FHIT: variants seen among roughly 807,000 people sequenced by gnomAD.
FHIT encodes bis(5'-adenosyl)-triphosphatase.
In FHIT, 19 loss-of-function variants were observed where a neutral mutation model predicts 17.9. The ratio of observed to expected loss-of-function variants is 1.06; its 90% CI spans 0.74 to 1.56. FHIT has a LOEUF of 1.56. Among genes scored for constraint, FHIT ranks in the 40% most tolerant of loss-of-function variants. The pLI is 0.00. For missense variants in FHIT, 248 were observed against 189.2 expected (o/e 1.31, Z -1.82); for synonymous variants, 81 against 69.7 (o/e 1.16, Z -0.81).
intron 5 of FHIT, among the ~76,000 whole-genome samples, chr3:60,470,090 C>T (rs949888183): frequency 3.3e-5 from 5 of 151,710 alleles, no homozygotes; most frequent in African/African-American, 1.2e-4. Flanking sequence ...CCAGAGCTGC[C>T]TGAAGCTGTG....
At chr3:59,942,957 C>A (rs750486667) in intron 7 of FHIT, among the ~76,000 whole-genome samples, 2 of 152,044 alleles carry the variant, frequency 1.3e-5, no homozygotes, top group Non-Finnish European at 2.9e-5. Flanking sequence ...CTTCCTAGTT[C>A]TCTATAGGAG....
chr3:60,769,088 A>G (rs751242751), intron 4 of FHIT, among the ~76,000 whole-genome samples: 2 of 152,116 alleles, frequency 1.3e-5, no homozygotes, highest in Non-Finnish European at 2.9e-5. Flanking sequence ...TTATATGTAC[A>G]TATATTTATA....
At chr3:60,269,859 C>A (rs533033888) in intron 5 of FHIT, among the ~76,000 whole-genome samples, 9 of 152,218 alleles carry the variant, frequency 5.9e-5, no homozygotes, top group Admixed American at 3.3e-4. Flanking sequence ...ACTGCCATTT[C>A]GGTTCATAAA....
intron 5 of FHIT, among the ~76,000 whole-genome samples, chr3:60,532,094 T>A (rs966977619): frequency 6.6e-6 from 1 of 152,160 alleles, no homozygotes; most frequent in Non-Finnish European, 1.5e-5. Flanking sequence ...ATTGGAAAAA[T>A]CTGCTCTTTT....
chr3:61,153,099 C>T (rs562756051), intron 2 of FHIT, among the ~76,000 whole-genome samples: 19 of 147,472 alleles, frequency 1.3e-4, no homozygotes, highest in East Asian at 8.0e-4. Flanking sequence ...GCCAAGATCA[C>T]GCTACTGTAC....
chr3:61,036,901 G>GTTTTTTTTTTGTT (rs2033269178), intron 3 of FHIT, among the ~76,000 whole-genome samples: 7 of 70,320 alleles, frequency 1.0e-4, no homozygotes, highest in African/African-American at 2.2e-4. Flanking sequence ...AGTCTGCTTT[G>GTTTTTTTTTTGTT]TTTTTTTTTT....
At chr3:60,772,151 G>T (rs1430522522) in intron 4 of FHIT, among the ~76,000 whole-genome samples, 1 of 98,934 alleles carries the variant, frequency 1.0e-5, no homozygotes, top group African/African-American at 5.3e-5. Context: ...GCATTCTTCA[G>T]AAGAAAAAAA....
chr3:61,036,585 T>C (rs1019063965), intron 3 of FHIT, among the ~76,000 whole-genome samples: 1 of 152,176 alleles, frequency 6.6e-6, no homozygotes, highest in Admixed American at 6.5e-5. Flanking sequence ...AATAGTGGTT[T>C]CTATCTGTTG....
intron 4 of FHIT, among the ~76,000 whole-genome samples, chr3:60,578,530 G>A (rs1260911529): frequency 1.3e-5 from 2 of 151,716 alleles, no homozygotes; most frequent in East Asian, 3.9e-4. Flanking sequence ...TTTATCATGG[G>A]AAACAAGATC....
At chr3:59,793,294 A>C (rs754960240) in intron 8 of FHIT, among the ~76,000 whole-genome samples, 1 of 152,188 alleles carries the variant, frequency 6.6e-6, no homozygotes, top group Non-Finnish European at 1.5e-5. Context: ...TTCAGGCCAA[A>C]TAATGAAGCA....
At chr3:61,203,246 G>A (rs1324789376) in intron 1 of FHIT, among the ~76,000 whole-genome samples, 1 of 150,394 alleles carries the variant, frequency 6.6e-6, no homozygotes, top group Non-Finnish European at 1.5e-5. Flanking sequence ...CTACTCAGGA[G>A]GCTGAGGCAG....
At chr3:60,721,204 GTCT>G (rs1364957243) in intron 4 of FHIT, among the ~76,000 whole-genome samples, 28 of 152,202 alleles carry the variant, frequency 1.8e-4, no homozygotes, top group African/African-American at 6.3e-4. Context: ...CTTACCTTCT[GTCT>G]TCTTCACTAC....
intron 5 of FHIT, among the ~76,000 whole-genome samples, chr3:60,401,800 T>C (rs1371176816): frequency 2.6e-5 from 4 of 152,028 alleles, no homozygotes; most frequent in Non-Finnish European, 5.9e-5. Flanking sequence ...TAAAAGGAAA[T>C]AGAGTAAATT....
chr3:60,246,801 T>C (rs1158030132), intron 5 of FHIT, among the ~76,000 whole-genome samples: 2 of 152,166 alleles, frequency 1.3e-5, no homozygotes, highest in Admixed American at 6.6e-5. Flanking sequence ...CAATCCTCTC[T>C]GCTGCAGTTG....
In FHIT at chr3:60,525,227, A is replaced by T. The variant is rs180948226; in HGVS notation, c.103+11633T>A. Among the ~76,000 whole-genome samples, 4 of 152,354 alleles carry T rather than the reference A, an allele frequency of 2.6e-5. No individual in the cohort carries two copies. The East Asian group carries it at 7.7e-4, about 29-fold the overall frequency. ...ACTTTGTTGGCTTAAGAGCATGCCA[A>T]ATTTAGATTAGAAATGAAAATGAGA... is the stretch of plus-strand genomic sequence containing the variant. On this transcript the variant is annotated intron_variant, in intron 5 of 9. Coordinates refer to ENST00000492590, the MANE Select transcript of FHIT (RefSeq NM_002012.4).
intron 4 of FHIT, among the ~76,000 whole-genome samples, chr3:60,791,432 C>G (rs1575529435): frequency 6.6e-6 from 1 of 152,298 alleles, no homozygotes; most frequent in East Asian, 1.9e-4. Context: ...TTCTGCCTGA[C>G]CATTATTACT....
At chr3:60,586,253 G>C (rs2037903081) in intron 4 of FHIT, among the ~76,000 whole-genome samples, 1 of 151,984 alleles carries the variant, frequency 6.6e-6, no homozygotes, top group Non-Finnish European at 1.5e-5. Flanking sequence ...AGCAGGGTAG[G>C]AGGACAGCAA....
At chr3:60,064,514 T>C (rs1045003226) in intron 5 of FHIT, among the ~76,000 whole-genome samples, 7 of 152,206 alleles carry the variant, frequency 4.6e-5, no homozygotes, top group Non-Finnish European at 7.3e-5. Context: ...AAACAGTCAT[T>C]GTATCATCCA....
chr3:61,235,257 A>G (rs961941936), intron 1 of FHIT, among the ~76,000 whole-genome samples: 106 of 152,254 alleles, frequency 7.0e-4, no homozygotes, highest in African/African-American at 2.6e-3. Context: ...TAGGCCCACC[A>G]CTTGCCAACT....
Sources: allele counts gnomAD v4.1 joint callset (sites outside exome capture counted in the v4.1 genomes callset), GRCh38; gene constraint gnomAD v4.1.1; transcripts MANE v1.5; gene names NCBI Gene and HGNC (gene_info 2026-07-23, HGNC 2026-07-21).